HTD2: variants seen among roughly 807,000 people sequenced by gnomAD.
HTD2 encodes hydroxyacyl-thioester dehydratase type 2, also known as hydroxyacyl-thioester dehydratase type 2, mitochondrial.
HTD2 carries 1 observed loss-of-function variant against 3.1 expected under a neutral mutation model. That is an observed-to-expected ratio of 0.32 (90% CI 0.11 to 1.52). HTD2 has a LOEUF of 1.52. Among genes scored for constraint, HTD2 ranks in the 40% most tolerant of loss-of-function variants. The pLI, the probability that HTD2 is intolerant of heterozygous loss-of-function variation, is 0.39. For missense variants in HTD2, 150 were observed against 79.6 expected, an observed-to-expected ratio of 1.88 and a Z score of -3.36; for synonymous variants, 50 against 28.9, an observed-to-expected ratio of 1.73 and a Z score of -2.34.
chr3:58,311,247 C>T (rs1052555670), intron 2 of HTD2, among the ~76,000 whole-genome samples: 1 of 152,070 alleles, frequency 6.6e-6, no homozygotes, highest in African/African-American at 2.4e-5. Context: ...CTCTGCCTCC[C>T]AGATTCAAGG....
chr3:58,314,928 G>T lies in HTD2; in HGVS notation c.-330-1587G>T, dbSNP rs1056800002. 1.4e-4 allele frequency among the ~76,000 whole-genome samples: 22 copies of T among 151,864 alleles called. 1 individual carries two copies. Among genetic ancestry groups the T allele is most frequent in the Admixed American group, 1.4e-3 (22 of 15,200 alleles). On this transcript the variant is annotated intron_variant, in intron 2 of 4. Transcript: ENST00000461393. Reference sequence around the variant, plus strand: ...TCTCAATCTCTTGACCTTGTGATCCGCCTGCCTTGGCCTCCCAAAGTGCTG... The same window carrying T: ...TCTCAATCTCTTGACCTTGTGATCCTCCTGCCTTGGCCTCCCAAAGTGCTG...
intron 2 of HTD2, among the ~76,000 whole-genome samples, chr3:58,311,686 T>C (rs1360756806): frequency 6.7e-5 from 9 of 134,578 alleles, no homozygotes; most frequent in Non-Finnish European, 1.3e-4. Context: ...GGGAATACAA[T>C]AAATATGAGA....
intron 2 of HTD2, among the ~76,000 whole-genome samples, chr3:58,316,250 C>G (rs1250965342): frequency 6.6e-6 from 1 of 152,170 alleles, no homozygotes; most frequent in Non-Finnish European, 1.5e-5. Context: ...ACATAGCAAG[C>G]TGACTTTGTC....
chr3:58,318,348 T>G lies in HTD2; in HGVS notation c.*228T>G, dbSNP rs953702523. ...TCATTATCTGCCTGGGTTTTTTGTT[T>G]GTTTTTTGTTTTTTAATTCAAGAAG... On this transcript the variant is annotated 3_prime_UTR_variant, in exon 5 of 5. Coordinates refer to ENST00000461393, the MANE Select transcript of HTD2 (RefSeq NM_001348712.2). The G allele has an allele frequency of 2.5e-6, 1 of 405,722 alleles. No homozygotes were observed. Among genetic ancestry groups the G allele is most frequent in the Non-Finnish European group, 4.4e-6 (1 of 229,554 alleles). The allele number at this position is 405,722 out of a possible 1,614,324, so 25.1% of individuals were successfully genotyped here. A position where few individuals can be genotyped will look rare whatever the true frequency, so the allele number is the denominator to read the frequency against.
intron 2 of HTD2, among the ~76,000 whole-genome samples, chr3:58,312,772 C>T (rs926684239): frequency 2.6e-5 from 4 of 151,856 alleles, no homozygotes; most frequent in Admixed American, 2.6e-4. Flanking sequence ...ACTAGCCTGG[C>T]CAACGTGGTG....
chr3:58,307,668 G>A (rs926985782), intron 1 of HTD2: 9 of 152,220 alleles, frequency 5.9e-5, no homozygotes, highest in South Asian at 2.1e-4. Context: ...TCCAGCCTGG[G>A]CGACAGAGTG....
In HTD2 at chr3:58,317,535, CAT is replaced by C. The variant is rs2097489600; in HGVS notation, c.-76_-75del. ...CATTTTGGAAACGTTCATCCACTCT[CAT>C]ATTTATTTTTTGGTGCCTGCATGTT... On this transcript the variant is annotated 5_prime_UTR_variant, in exon 5 of 5. An upstream open reading frame in the 5' UTR loses its in-frame stop. Transcript: ENST00000461393. 11 of 1,388,376 alleles carry C rather than the reference CAT, an allele frequency of 7.9e-6. No homozygotes were observed. Among genetic ancestry groups the C allele is most frequent in the East Asian group, 2.3e-5 (1 of 43,838 alleles). The allele number at this position is 1,388,376 out of a possible 1,614,324, so 86.0% of individuals were successfully genotyped here.
Position 58,310,303 on chromosome 3 carries a change from C to A in HTD2, c.-415-204C>A, listed in dbSNP as rs370681119. On this transcript the variant is annotated intron_variant, in intron 1 of 4. Coordinates refer to ENST00000461393, the MANE Select transcript of HTD2 (RefSeq NM_001348712.2). The stretch of plus-strand genomic sequence containing the variant: ...GGTCATTTCTAGCCCTCTTGACTTA[C>A]TGTAGGTGTGATCAGCACTGGAAAA... The A allele has an allele frequency of 5.6e-6, 9 of 1,604,568 alleles. No individual in the cohort carries two copies. In the African/African-American group the frequency reaches 1.1e-4, roughly 19 times the overall value.
chr3:58,311,071 A>G (rs1193412039), intron 2 of HTD2, among the ~76,000 whole-genome samples: 1 of 151,168 alleles, frequency 6.6e-6, no homozygotes. Flanking sequence ...CATCCTCTCT[A>G]CCCTCCTACC....
rs1559798139 is a variant in HTD2 at position 58,319,958 on chromosome 3, A to T, written c.*1838A>T. 6.6e-6 allele frequency: 1 copy of T among 152,012 alleles called. No homozygotes were observed. Among genetic ancestry groups the T allele is most frequent in the Admixed American group, 6.6e-5 (1 of 15,258 alleles). 9.4% of individuals were successfully genotyped at this position (152,012 alleles called of 1,614,324 possible). A position where few individuals can be genotyped will look rare whatever the true frequency, so the allele number is the denominator to read the frequency against. ...AGCATTTTTCATCACCCCCAAAAGA[A>T]CCTCCCATTAGCAGTCAATCCATTT... On this transcript the variant is annotated 3_prime_UTR_variant, in exon 5 of 5. Transcript: ENST00000461393.
intron 2 of HTD2, among the ~76,000 whole-genome samples, chr3:58,312,030 G>A (rs1453443362): frequency 6.6e-6 from 1 of 151,880 alleles, no homozygotes; most frequent in East Asian, 1.9e-4. Context: ...GTGCCACCAC[G>A]CCAATTTTTT....
chr3:58,318,171 G>C lies in HTD2; in HGVS notation c.*51G>C. ...CAAACACCAATGCTGTTGTTAAAGA[G>C]CCTATGGGGAATTGCTGCTCTTTAC... is the stretch of plus-strand genomic sequence containing the variant. On this transcript the variant is annotated 3_prime_UTR_variant, in exon 5 of 5. Transcript: ENST00000461393. The C allele has an allele frequency of 1.6e-6, 1 of 607,480 alleles. No homozygotes were observed. The highest frequency in any genetic ancestry group is 2.9e-6 in the Non-Finnish European group (1 of 343,444). 37.6% of individuals were successfully genotyped at this position (607,480 alleles called of 1,614,324 possible).
chr3:58,313,007 T>C (rs1187137230), intron 2 of HTD2, among the ~76,000 whole-genome samples: 1 of 142,212 alleles, frequency 7.0e-6, no homozygotes, highest in Non-Finnish European at 1.5e-5. Flanking sequence ...CTCACGCCTG[T>C]AATCCTAGCA....
chr3:58,317,927 G>A lies in HTD2; in HGVS notation c.314G>A (p.Cys105Tyr), dbSNP rs1472480818. ...LLGTKMPGPG[C>Y]VFLSQEISFP... is the part of the protein sequence containing the mutation. Reference sequence around the variant, plus strand: ...GGAACTAAAATGCCAGGGCCAGGCTGTGTATTTCTTTCCCAGGAAATTAGC... The same window carrying A: ...GGAACTAAAATGCCAGGGCCAGGCTATGTATTTCTTTCCCAGGAAATTAGC... Residue 105 changes from cysteine to tyrosine, a missense_variant, in exon 5 of 5, where the codon TGT (cysteine) becomes TAT (tyrosine). Physicochemically the swap from Cys to Tyr is radical, Grantham distance 194 (BLOSUM62 -2). Coordinates refer to ENST00000461393, the MANE Select transcript of HTD2 (RefSeq NM_001348712.2). 5 of 702,890 alleles carry A rather than the reference G, an allele frequency of 7.1e-6. No individual in the cohort carries two copies. The highest frequency in any genetic ancestry group is 1.3e-5 in the Non-Finnish European group (5 of 384,974). The allele number at this position is 702,890 out of a possible 1,614,324, so 43.5% of individuals were successfully genotyped here.
At chr3:58,311,857 A>G (rs890578329) in intron 2 of HTD2, among the ~76,000 whole-genome samples, 4 of 151,876 alleles carry the variant, frequency 2.6e-5, no homozygotes, top group Non-Finnish European at 5.9e-5. Flanking sequence ...ATGGTATTCT[A>G]TTTTTAGTTT....
chr3:58,316,327 T>A (rs1171313612), intron 2 of HTD2, among the ~76,000 whole-genome samples, 188 bp from the exon 3 acceptor site: 1 of 152,224 alleles, frequency 6.6e-6, no homozygotes, highest in East Asian at 1.9e-4. Context: ...ATCAGCCATA[T>A]GAAGAGGTGT....
intron 2 of HTD2, chr3:58,315,935 C>T (rs1279576850): frequency 6.6e-6 from 1 of 152,324 alleles, no homozygotes; most frequent in Non-Finnish European, 1.5e-5. Context: ...CTTGGCCTCC[C>T]AAAGTGCCGG....
Position 58,318,017 on chromosome 3 carries a change from G to T in HTD2, c.404G>T (p.Arg135Leu), listed in dbSNP as rs760272949. 7.1e-6 allele frequency: 5 copies of T among 702,680 alleles called. No homozygotes were observed. The highest frequency in any genetic ancestry group is 1.3e-5 in the Non-Finnish European group (5 of 384,982). 43.5% of individuals were successfully genotyped at this position (702,680 alleles called of 1,614,324 possible). A position where few individuals can be genotyped will look rare whatever the true frequency, so the allele number is the denominator to read the frequency against. The change falls in exon 5 of 5, where the codon CGG (arginine) becomes CTG (leucine). Residue 135 changes from arginine (R) to leucine (L), a missense_variant. Arg to Leu is a moderately radical substitution (Grantham distance 102). Coordinates refer to ENST00000461393, the MANE Select transcript of HTD2 (RefSeq NM_001348712.2). The stretch of plus-strand genomic sequence containing the variant: ...TCTGCAGAAGTGAAAAAGCTGAAGC[G>T]GTTCATTGCTATTATTGCAGTGTCA... ...LASAEVKKLK[R>L]FIAIIAVSCS...
intron 2 of HTD2, among the ~76,000 whole-genome samples, chr3:58,312,034 A>G (rs75916468): frequency 0.046 from 6,961 of 151,814 alleles, 555 homozygotes; most frequent in African/African-American, 0.16. Context: ...CACCACGCCA[A>G]TTTTTTTACT....
Sources: gnomAD v4.1 joint callset for allele counts (sites outside exome capture counted in the v4.1 genomes callset) on GRCh38, gnomAD v4.1.1 for gene constraint, MANE v1.5 for transcripts, NCBI Gene and HGNC (gene_info 2026-07-23, HGNC 2026-07-21) for gene names.